UBE2R2: variants seen among roughly 807,000 people sequenced by gnomAD.
UBE2R2 encodes the protein ubiquitin conjugating enzyme E2 R2.
In UBE2R2, 1 loss-of-function variant was observed where a neutral mutation model predicts 27.8. The observed-to-expected ratio is 0.04, with a 90% confidence interval of 0.01 to 0.17. The LOEUF is 0.17. UBE2R2 is among the 10% of genes least tolerant of loss of function. The probability of loss-of-function intolerance (pLI) is 1.00; values close to 1 mark genes in which losing one functional copy is unlikely to be tolerated. For missense variants in UBE2R2, 100 were observed against 291.0 expected (o/e 0.34, Z 4.78); for synonymous variants, 106 against 113.3 (o/e 0.94, Z 0.41).
In UBE2R2 at chr9:33,875,677, A is replaced by G. The variant is rs1821587536; in HGVS notation, c.178-11204A>G. 3.9e-5 allele frequency among the ~76,000 whole-genome samples: 6 copies of G among 152,204 alleles called. No individual in the cohort carries two copies. In the South Asian group the frequency reaches 1.2e-3, roughly 31 times the overall value. The stretch of plus-strand genomic sequence containing the variant: ...GTCAGTGTTTTTTGCCATTTTACAT[A>G]AAAAGGAACTTGAAATCCAGAGATT... On this transcript the variant is annotated intron_variant, in intron 1 of 4. Transcript: ENST00000263228.
chr9:33,919,543 T>C lies in UBE2R2; in HGVS notation c.*2306T>C, dbSNP rs1404111851. The C allele has an allele frequency of 1.3e-5, 2 of 151,854 alleles. No homozygotes were observed. The highest frequency in any genetic ancestry group is 3.9e-4 in the East Asian group (2 of 5,170). 9.4% of individuals were successfully genotyped at this position (151,854 alleles called of 1,614,324 possible). On this transcript the variant is annotated 3_prime_UTR_variant, in exon 5 of 5. Coordinates refer to ENST00000263228, the MANE Select transcript of UBE2R2 (RefSeq NM_017811.4). ...GGTTGTACCTTTCAGCCCTTTGGGG[T>C]GTTAAAAGTGTCAAGGGCTGGGTTT...
intron 3 of UBE2R2, among the ~76,000 whole-genome samples, chr9:33,903,200 T>G (rs560688546): frequency 6.6e-6 from 1 of 152,336 alleles, no homozygotes; most frequent in South Asian, 2.1e-4. Flanking sequence ...TATTTTGACA[T>G]TATAATTAGA....
chr9:33,835,810 G>A (rs1189705807), intron 1 of UBE2R2, among the ~76,000 whole-genome samples: 1 of 152,098 alleles, frequency 6.6e-6, no homozygotes, highest in Non-Finnish European at 1.5e-5. Context: ...TTGAGCCTGG[G>A]AATTCAAGGT....
upstream of UBE2R2, among the ~76,000 whole-genome samples, chr9:33,816,876 C>T (rs1192579492): frequency 6.6e-6 from 1 of 152,254 alleles, no homozygotes; most frequent in African/African-American, 2.4e-5. Flanking sequence ...AACCGTCACT[C>T]TGGGGCCACG....
At chr9:33,866,858 G>A (rs148910469) in intron 1 of UBE2R2, among the ~76,000 whole-genome samples, 1 of 152,238 alleles carries the variant, frequency 6.6e-6, no homozygotes, top group East Asian at 1.9e-4. Context: ...GTTGGATTGT[G>A]TATGTGAATC....
intron 1 of UBE2R2, among the ~76,000 whole-genome samples, chr9:33,828,329 C>T (rs1346672321): frequency 6.7e-6 from 1 of 148,860 alleles, no homozygotes; most frequent in Non-Finnish European, 1.5e-5. Context: ...TAAAATCAAA[C>T]TTATGGAGTG....
intron 4 of UBE2R2, among the ~76,000 whole-genome samples, chr9:33,912,336 A>G (rs1378447134): frequency 1.3e-5 from 2 of 152,056 alleles, no homozygotes; most frequent in Non-Finnish European, 2.9e-5. Flanking sequence ...CAGAACTTCT[A>G]GGTTCTGGCC....
At chr9:33,834,574 TA>T (rs1381819698) in intron 1 of UBE2R2, among the ~76,000 whole-genome samples, 1 of 152,060 alleles carries the variant, frequency 6.6e-6, no homozygotes, top group African/African-American at 2.4e-5. Context: ...GTTAAATAGC[TA>T]CTATTTAATT....
chr9:33,824,004 G>GC (rs1446906375), intron 1 of UBE2R2, among the ~76,000 whole-genome samples: 2 of 152,162 alleles, frequency 1.3e-5, no homozygotes, highest in African/African-American at 4.8e-5. Flanking sequence ...GTGAACTAAG[G>GC]TAACGTTATA....
rs540185934 is a variant in UBE2R2, at chr9:33,838,265, G to GT, written c.177+20341dup. Among the ~76,000 whole-genome samples the GT allele has an allele frequency of 1.8e-3, 223 of 126,344 alleles. 1 individual carries two copies. Among genetic ancestry groups the GT allele is most frequent in the African/African-American group, 4.8e-3 (158 of 33,162 alleles). 82.9% of individuals were successfully genotyped at this position (126,344 alleles called of 152,430 possible). ...ATTATTTTTTATTGCTTTTTTTACT[G>GT]TTTTTTTTTTCTTGTTTTTTTTTCG... On this transcript the variant is annotated intron_variant, in intron 1 of 4. Coordinates refer to ENST00000263228, the MANE Select transcript of UBE2R2 (RefSeq NM_017811.4).
chr9:33,865,739 C>T (rs890646127), intron 1 of UBE2R2, among the ~76,000 whole-genome samples: 1 of 151,896 alleles, frequency 6.6e-6, no homozygotes, highest in Non-Finnish European at 1.5e-5. Context: ...ACCATTATTA[C>T]CTTTTCTTTC....
At chr9:33,883,015 G>A (rs1419354576) in intron 1 of UBE2R2, among the ~76,000 whole-genome samples, 3 of 152,120 alleles carry the variant, frequency 2.0e-5, no homozygotes, top group Non-Finnish European at 4.4e-5. Flanking sequence ...CTTGAACCCA[G>A]GAAGTGGAAG....
chr9:33,816,115 G>A (rs1052859693), upstream of UBE2R2, among the ~76,000 whole-genome samples: 1 of 152,186 alleles, frequency 6.6e-6, no homozygotes, highest in Admixed American at 6.5e-5. Context: ...ATGATACAGG[G>A]AGAAGTAATG....
At chr9:33,897,768 CTTTTTTCTTTTT>C (rs1822149315) in intron 2 of UBE2R2, among the ~76,000 whole-genome samples, 1 of 137,402 alleles carries the variant, frequency 7.3e-6, no homozygotes. Context: ...TTTCTCTTTT[CTTTTTTCTTTTT>C]TTTTTTTTTT....
At chr9:33,835,575 T>C (rs1820598470) in intron 1 of UBE2R2, among the ~76,000 whole-genome samples, 1 of 152,116 alleles carries the variant, frequency 6.6e-6, no homozygotes, top group African/African-American at 2.4e-5. Context: ...TCCTTACAAT[T>C]TTTGTTTGTT....
chr9:33,846,497 C>A (rs1202465727), intron 1 of UBE2R2, among the ~76,000 whole-genome samples: 2 of 152,010 alleles, frequency 1.3e-5, no homozygotes, highest in Admixed American at 6.6e-5. Flanking sequence ...ATTTCAAGTC[C>A]ACTTTTCTCT....
chr9:33,890,805 G>A (rs7038727), intron 2 of UBE2R2, among the ~76,000 whole-genome samples: 9,213 of 152,188 alleles, frequency 0.061, 639 homozygotes, highest in African/African-American at 0.17. Context: ...GCAAGACTCT[G>A]TCTTGCAGGG....
chr9:33,893,708 C>T (rs929228177), intron 2 of UBE2R2, among the ~76,000 whole-genome samples: 8 of 152,166 alleles, frequency 5.3e-5, no homozygotes, highest in African/African-American at 1.7e-4. Context: ...TTTCAGTTCA[C>T]TGCAACCTCT....
At chr9:33,818,292 C>A (rs987717357) in intron 1 of UBE2R2, among the ~76,000 whole-genome samples, 1 of 151,096 alleles carries the variant, frequency 6.6e-6, no homozygotes, top group Admixed American at 6.6e-5. Context: ...CGGTCGGAAC[C>A]CCTCCCTGCG....
Sources: allele counts gnomAD v4.1 joint callset (sites outside exome capture counted in the v4.1 genomes callset), GRCh38; gene constraint gnomAD v4.1.1; transcripts MANE v1.5; gene names NCBI Gene and HGNC (gene_info 2026-07-23, HGNC 2026-07-21).